LRRTM4: variants seen among roughly 807,000 people sequenced by gnomAD.
LRRTM4 encodes leucine-rich repeat transmembrane neuronal protein 4.
A neutral mutation model predicts 47.6 loss-of-function variants in LRRTM4; 25 were observed. The ratio of observed to expected loss-of-function variants is 0.53; its 90% CI spans 0.38 to 0.73. The LOEUF is 0.73. Among genes scored for constraint, LRRTM4 ranks in the 30% least tolerant of loss-of-function variants. LRRTM4 has a pLI of 0.00. For synonymous variants in LRRTM4, 311 were observed against 269.5 expected, an observed-to-expected ratio of 1.15 and a Z score of -1.51; for missense variants, 638 against 713.4, an observed-to-expected ratio of 0.89 and a Z score of 1.20.
intron 3 of LRRTM4, among the ~76,000 whole-genome samples, chr2:76,844,571 T>C: frequency 6.7e-6 from 1 of 150,336 alleles, no homozygotes; most frequent in East Asian, 1.9e-4. Context: ...TACTACTCTA[T>C]AATGTAGTTT....
intron 3 of LRRTM4, among the ~76,000 whole-genome samples, chr2:76,797,147 C>A (rs1675380818): frequency 1.3e-5 from 2 of 151,944 alleles, no homozygotes; most frequent in African/African-American, 4.8e-5. Flanking sequence ...AAGAGCTACT[C>A]CAATACACAC....
chr2:76,834,008 T>C (rs972081681), intron 3 of LRRTM4, among the ~76,000 whole-genome samples: 6 of 136,442 alleles, frequency 4.4e-5, no homozygotes, highest in African/African-American at 1.7e-4. Context: ...GCCCTTGTTT[T>C]TCATTTATTT....
chr2:76,916,056 T>C (rs1312811180), intron 3 of LRRTM4, among the ~76,000 whole-genome samples: 1 of 151,234 alleles, frequency 6.6e-6, no homozygotes, highest in Non-Finnish European at 1.5e-5. Context: ...AGAATAAAAA[T>C]AGAAATGATG....
At chr2:77,501,274 A>G (rs932003085) in intron 3 of LRRTM4, among the ~76,000 whole-genome samples, 1 of 150,918 alleles carries the variant, frequency 6.6e-6, no homozygotes, top group Admixed American at 6.6e-5. Flanking sequence ...CCAGCAAAAT[A>G]AAAATTTTAA....
intron 3 of LRRTM4, among the ~76,000 whole-genome samples, chr2:77,227,417 CTGAAGAG>C (rs1204391395): frequency 6.6e-6 from 1 of 151,926 alleles, no homozygotes; most frequent in Non-Finnish European, 1.5e-5. Flanking sequence ...CTCTAAGAGG[CTGAAGAG>C]TCTTAGAGCA....
intron 3 of LRRTM4, among the ~76,000 whole-genome samples, chr2:76,954,367 C>G (rs973775872): frequency 6.6e-6 from 1 of 150,864 alleles, no homozygotes. Flanking sequence ...ACAAAGCAAC[C>G]AACAAAAAAC....
chr2:76,928,606 C>T (rs1558743822), intron 3 of LRRTM4, among the ~76,000 whole-genome samples: 1 of 152,110 alleles, frequency 6.6e-6, no homozygotes, highest in Non-Finnish European at 1.5e-5. Flanking sequence ...TAGAATAAAG[C>T]TGCTGGTGCT....
intron 3 of LRRTM4, among the ~76,000 whole-genome samples, chr2:76,862,419 C>G (rs1300056788): frequency 6.6e-6 from 1 of 152,144 alleles, no homozygotes; most frequent in East Asian, 1.9e-4. Context: ...TTGTTCTTTA[C>G]TCAGAGAGGT....
chr2:76,958,935 GT>G (rs1313450917), intron 3 of LRRTM4, among the ~76,000 whole-genome samples: 36 of 151,724 alleles, frequency 2.4e-4, no homozygotes, highest in Middle Eastern at 3.4e-3. Flanking sequence ...GAAAACGCTT[GT>G]GTAGAGCTTG....
intron 3 of LRRTM4, among the ~76,000 whole-genome samples, chr2:77,072,303 GCTGAATAT>G (rs146104883): frequency 0.045 from 6,805 of 152,148 alleles, 175 homozygotes; most frequent in South Asian, 0.11. Context: ...GTGGGCTTTA[GCTGAATAT>G]CTGCCTGACT....
chr2:77,245,054 T>C (rs1179447081), intron 3 of LRRTM4, among the ~76,000 whole-genome samples: 1 of 152,164 alleles, frequency 6.6e-6, no homozygotes, highest in Non-Finnish European at 1.5e-5. Context: ...TATGGTTTTA[T>C]AAACCACTAA....
intron 3 of LRRTM4, among the ~76,000 whole-genome samples, chr2:77,063,814 T>C (rs1679869799): frequency 6.6e-6 from 1 of 152,162 alleles, no homozygotes. Context: ...TAAAAATGTT[T>C]AATTCCTTCT....
intron 3 of LRRTM4, among the ~76,000 whole-genome samples, chr2:77,250,966 G>T (rs1226782413): frequency 1.3e-5 from 2 of 151,932 alleles, no homozygotes; most frequent in African/African-American, 4.8e-5. Flanking sequence ...AGCTGGGCAT[G>T]GTGGTGCATG....
At chr2:76,824,271 G>C (rs904539139) in intron 3 of LRRTM4, among the ~76,000 whole-genome samples, 16 of 151,494 alleles carry the variant, frequency 1.1e-4, no homozygotes, top group African/African-American at 3.6e-4. Context: ...ATAAATGTGT[G>C]TGTGTTTTGC....
At chr2:77,275,092 G>A (rs1676307017) in intron 3 of LRRTM4, among the ~76,000 whole-genome samples, 2 of 151,940 alleles carry the variant, frequency 1.3e-5, no homozygotes, top group Admixed American at 1.3e-4. Context: ...GAGAAAAAAT[G>A]GTAAGTGGTT....
chr2:77,420,882 T>A (rs1183065379), intron 3 of LRRTM4, among the ~76,000 whole-genome samples: 3 of 145,978 alleles, frequency 2.1e-5, no homozygotes, highest in Admixed American at 6.9e-5. Context: ...ATATATATAA[T>A]ATATAATATA....
At chr2:77,085,009 A>T (rs1301018014) in intron 3 of LRRTM4, among the ~76,000 whole-genome samples, 1 of 152,166 alleles carries the variant, frequency 6.6e-6, no homozygotes, top group Non-Finnish European at 1.5e-5. Context: ...TACAATGCTT[A>T]TAATGCAACA....
At chr2:76,981,359 C>T (rs1427131456) in intron 3 of LRRTM4, among the ~76,000 whole-genome samples, 1 of 152,122 alleles carries the variant, frequency 6.6e-6, no homozygotes, top group African/African-American at 2.4e-5. Context: ...GTACATCAGA[C>T]ATCTCCATTT....
intron 3 of LRRTM4, among the ~76,000 whole-genome samples, chr2:77,353,992 C>T (rs1466133857): frequency 6.6e-6 from 1 of 152,148 alleles, no homozygotes; most frequent in East Asian, 1.9e-4. Flanking sequence ...CTGAGAGTAG[C>T]AACTCAGAGG....
Sources: allele counts gnomAD v4.1 joint callset (sites outside exome capture counted in the v4.1 genomes callset), GRCh38; gene constraint gnomAD v4.1.1; transcripts MANE v1.5; gene names NCBI Gene and HGNC (gene_info 2026-07-23, HGNC 2026-07-21).